The following NCAPG2 variants were observed in gnomAD, a reference collection of about 807,000 sequenced individuals.
The protein encoded by NCAPG2 is non-SMC condensin II complex subunit G2.
In NCAPG2, 53 loss-of-function variants were observed where a neutral mutation model predicts 141.1. That is an observed-to-expected ratio of 0.38 (90% confidence interval 0.30 to 0.47). The LOEUF (loss-of-function observed/expected upper bound fraction) is 0.47. Ranked by LOEUF, NCAPG2 falls within the 20% of genes least tolerant of loss-of-function variation. The pLI is 0.99. For missense variants in NCAPG2, 1,087 were observed against 1,389.0 expected (o/e 0.78, Z 3.46); for synonymous variants, 499 against 490.7 (o/e 1.02, Z -0.22).
chr7:158,679,689 C>T (rs114722073), intron 11 of NCAPG2, among the ~76,000 whole-genome samples: 1,920 of 152,230 alleles, frequency 0.013, 45 homozygotes, highest in African/African-American at 0.044. Flanking sequence ...GGGGAAACAA[C>T]AGGCATATGC....
chr7:158,658,507 G>A, intron 16 of NCAPG2, 99 bp from the exon 17 acceptor site: 7 of 1,086,486 alleles, frequency 6.4e-6, no homozygotes, highest in Non-Finnish European at 8.8e-6. Context: ...TACCAAAGTT[G>A]CTCAAGAAGA....
intron 11 of NCAPG2, among the ~76,000 whole-genome samples, chr7:158,678,771 G>A (rs180913837): frequency 2.6e-5 from 4 of 151,452 alleles, no homozygotes; most frequent in Admixed American, 1.3e-4. Flanking sequence ...TATACATAAT[G>A]TACACAGCAA....
chr7:158,671,524 C>T lies in NCAPG2; in HGVS notation c.1469G>A (p.Arg490Lys), dbSNP rs61197775. The change falls in exon 13 of 28, where the codon AGG becomes AAG. Residue 490 changes from arginine to lysine, a missense_variant. Coordinates refer to ENST00000356309, the MANE Select transcript of NCAPG2 (RefSeq NM_017760.7). Reference sequence around the variant, plus strand: ...CCCTATTCATCCTACCTTAGCAGCCCTCACAGCTTTGATCTTCAACAGCAT... The same window carrying T: ...CCCTATTCATCCTACCTTAGCAGCCTTCACAGCTTTGATCTTCAACAGCAT... The part of the protein sequence containing the change: ...VDMLLKIKAV[R>K]AAKFWKICPM... 24 of 1,614,174 alleles carry T rather than the reference C, an allele frequency of 1.5e-5. No individual in the cohort carries two copies. Among genetic ancestry groups the T allele is most frequent in the South Asian group, 2.2e-5 (2 of 91,080 alleles).
intron 27 of NCAPG2, among the ~76,000 whole-genome samples, chr7:158,637,140 G>T (rs553156454): frequency 6.6e-6 from 1 of 152,096 alleles, no homozygotes; most frequent in South Asian, 2.1e-4. Context: ...GTAGAGACGG[G>T]GTTTCACCGT....
chr7:158,678,014 G>A (rs2129467125), intron 11 of NCAPG2, among the ~76,000 whole-genome samples: 1 of 151,556 alleles, frequency 6.6e-6, no homozygotes, highest in African/African-American at 2.4e-5. Context: ...GTTTCGCCAT[G>A]TTGCCCAGGA....
At position 158,692,828 on chromosome 7, in the gene NCAPG2, C is replaced by T. The variant is rs1257844178; in HGVS notation, c.382+14G>A. ...CCACTTCTAAATATGCCATTTATAA[C>T]AAAATCAACTCACCATTTAATATAA... is the stretch of plus-strand genomic sequence containing the variant. On this transcript the variant is annotated intron_variant, in intron 4 of 27. Transcript: ENST00000356309. 1 of 1,423,980 alleles carries T rather than the reference C, an allele frequency of 7.0e-7. No homozygotes were observed. Among genetic ancestry groups the T allele is most frequent in the Non-Finnish European group, 9.8e-7 (1 of 1,019,884 alleles). 88.2% of individuals were successfully genotyped at this position (1,423,980 alleles called of 1,614,324 possible). A position where few individuals can be genotyped will look rare whatever the true frequency, so the allele number is the denominator to read the frequency against.
chr7:158,646,781 G>A (rs780384927), intron 24 of NCAPG2, among the ~76,000 whole-genome samples: 8 of 152,056 alleles, frequency 5.3e-5, no homozygotes, highest in Middle Eastern at 6.3e-3. Flanking sequence ...TAATCCCAGC[G>A]CTCTGGGAGG....
At position 158,646,581 on chromosome 7, in the gene NCAPG2, C is replaced by T; in HGVS notation, c.3076-18G>A. The T allele has an allele frequency of 1.3e-6, 2 of 1,534,666 alleles. No homozygotes were observed. The highest frequency in any genetic ancestry group is 2.9e-5 in the African/African-American group (2 of 69,954). ...TCAGAAACCTAAAAAAGTTCCAAAT[C>T]AGCAAGTTGTAAACAGAGACTAGGC... On this transcript the variant is annotated intron_variant, in intron 24 of 27. Transcript: ENST00000356309.
chr7:158,685,616 A>C (rs1326874988), intron 8 of NCAPG2, among the ~76,000 whole-genome samples: 3 of 152,332 alleles, frequency 2.0e-5, no homozygotes, highest in African/African-American at 7.2e-5. Context: ...TTATGGAAAT[A>C]GTTGTGACAC....
intron 5 of NCAPG2, among the ~76,000 whole-genome samples, chr7:158,690,360 C>A (rs143456684): frequency 6.6e-6 from 1 of 152,114 alleles, no homozygotes; most frequent in South Asian, 2.1e-4. Flanking sequence ...CGTTGAATAG[C>A]GCAGGTTTAG....
At chr7:158,641,184 T>C (rs1223375476) in intron 27 of NCAPG2, 3 of 264,716 alleles carry the variant, frequency 1.1e-5, no homozygotes. Context: ...AAATGTTCAG[T>C]TAAAACCACA....
intron 12 of NCAPG2, 49 bp downstream of exon 12, chr7:158,675,428 A>G: frequency 1.4e-6 from 2 of 1,437,802 alleles, no homozygotes; most frequent in African/African-American, 2.9e-5. Context: ...TGTTTTTCTA[A>G]TTATTCTACA....
At chr7:158,683,194 CT>C in intron 9 of NCAPG2, 105 bp downstream of exon 9, 1 of 946,530 alleles carries the variant, frequency 1.1e-6, no homozygotes, top group Non-Finnish European at 1.5e-6. Context: ...AGAAATCCCC[CT>C]AACTGATGTC....
In NCAPG2 at chr7:158,690,720, T is replaced by C; in HGVS notation, c.385A>G (p.Ile129Val). Residue 129 changes from isoleucine (I) to valine (V), a missense_variant and splice_region_variant, in exon 5 of 28, where the codon ATT becomes GTT. Ile to Val is a conservative substitution (Grantham distance 29). Transcript: ENST00000356309. ...TCAGACTCAGGTAATGCATATAAAATACCTAAAATACAGCACAGTAATTTT... is the reference window on the plus strand; with the variant it reads ...TCAGACTCAGGTAATGCATATAAAACACCTAAAATACAGCACAGTAATTTT... ...LLECVIILNG[I>V]LYALPESERK... 6.2e-7 allele frequency: 1 copy of C among 1,613,056 alleles called. No individual in the cohort carries two copies. Among genetic ancestry groups the C allele is most frequent in the East Asian group, 2.2e-5 (1 of 44,840 alleles).
At chr7:158,657,546 A>G (rs1227337004) in intron 17 of NCAPG2, among the ~76,000 whole-genome samples, 5 of 152,098 alleles carry the variant, frequency 3.3e-5, no homozygotes, top group Admixed American at 3.3e-4. Flanking sequence ...TCAGCCCCCC[A>G]CCCGGCCAGC....
chr7:158,644,532 T>TAGTA, intron 26 of NCAPG2, 144 bp from the exon 27 acceptor site: 2 of 656,306 alleles, frequency 3.0e-6, no homozygotes, highest in Non-Finnish European at 5.3e-6. Flanking sequence ...ACCCGCGGAA[T>TAGTA]AGTAATTCTC....
intron 16 of NCAPG2, among the ~76,000 whole-genome samples, chr7:158,659,822 T>A (rs780491167): frequency 6.6e-6 from 1 of 152,168 alleles, no homozygotes; most frequent in Non-Finnish European, 1.5e-5. Context: ...AGAAAATGTC[T>A]TGTTAATGGC....
At chr7:158,645,481 C>T in intron 26 of NCAPG2, 38 bp downstream of exon 26, 4 of 1,571,532 alleles carry the variant, frequency 2.5e-6, no homozygotes, top group Non-Finnish European at 3.5e-6. Flanking sequence ...TGAGGTGCAC[C>T]AGCCACCTTC....
At chr7:158,664,377 C>T in intron 14 of NCAPG2, 81 bp from the exon 15 acceptor site, 10 of 1,512,416 alleles carry the variant, frequency 6.6e-6, no homozygotes, top group Non-Finnish European at 9.1e-6. Flanking sequence ...ATTATAATCC[C>T]AATTAGTCAA....
Sources: allele counts gnomAD v4.1 joint callset (sites outside exome capture counted in the v4.1 genomes callset), GRCh38; gene constraint gnomAD v4.1.1; transcripts MANE v1.5; gene names NCBI Gene and HGNC (gene_info 2026-07-23, HGNC 2026-07-21).